Variants in OPHN1 observed in about 807,000 individuals in gnomAD.
OPHN1 encodes oligophrenin 1.
A neutral mutation model predicts 60.7 loss-of-function variants in OPHN1; 11 were observed. The ratio of observed to expected loss-of-function variants is 0.18; its 90% confidence interval spans 0.11 to 0.30. The LOEUF (loss-of-function observed/expected upper bound fraction) is 0.30. Among genes scored for constraint, OPHN1 ranks in the 10% least tolerant of loss-of-function variants. The pLI, the probability that OPHN1 is intolerant of heterozygous loss-of-function variation, is 1.00. For synonymous variants in OPHN1, 226 were observed against 222.6 expected (o/e 1.02, Z -0.14); for missense variants, 449 against 611.0 (o/e 0.73, Z 2.80).
intron 2 of OPHN1, among the ~76,000 whole-genome samples, chrX:68,366,273 T>C (rs749732857): frequency 9.0e-6 from 1 of 111,081 alleles, no homozygotes; most frequent in African/African-American, 3.3e-5. Context: ...GGCCTGGCAA[T>C]CATAGTGATA....
rs184964358 is a variant in OPHN1 at position 68,350,189 on chromosome X, T to A, written c.155-51093A>T. Among the ~76,000 whole-genome samples, 1,033 of 111,656 alleles carry A rather than the reference T, an allele frequency of 9.3e-3. 12 individuals carry two copies. Among genetic ancestry groups the A allele is most frequent in the African/African-American group, 0.032 (982 of 30,833 alleles). ...CCTTAATTACACTGATTTGATTATA[T>A]GAAAGTATCAAATTATCATATGTAC... On this transcript the variant is annotated intron_variant, in intron 2 of 24. Coordinates refer to ENST00000355520, the MANE Select transcript of OPHN1 (RefSeq NM_002547.3).
chrX:68,328,719 C>G (rs2078280400), intron 2 of OPHN1, among the ~76,000 whole-genome samples: 1 of 110,951 alleles, frequency 9.0e-6, no homozygotes, highest in Non-Finnish European at 1.9e-5. Flanking sequence ...TCTTATAAAT[C>G]AATAATGAAG....
intron 12 of OPHN1, among the ~76,000 whole-genome samples, chrX:68,194,999 AAAGAAAGGAAGGAAGGAAGGAAGGAAGG>A (rs2077505495): frequency 1.4e-5 from 1 of 71,995 alleles, no homozygotes; most frequent in African/African-American, 6.0e-5. Flanking sequence ...AGAGAGAGAG[AAAGAAAGGAAGGAAGGAAGGAAGGAAGG>A]AAGGAAGGAA....
At chrX:68,423,316 C>T (rs1281592383) in intron 2 of OPHN1, among the ~76,000 whole-genome samples, 4 of 111,708 alleles carry the variant, frequency 3.6e-5, no homozygotes, top group African/African-American at 1.3e-4. Flanking sequence ...TGAGCCACCG[C>T]GCCCAGCCAT....
chrX:68,223,543 CA>C (rs767386062), intron 6 of OPHN1, among the ~76,000 whole-genome samples: 14 of 111,007 alleles, frequency 1.3e-4, no homozygotes, highest in African/African-American at 4.3e-4. Flanking sequence ...ATTGGAGACT[CA>C]GAAAAAGGGT....
rs973555283 is a variant in OPHN1 at position 68,046,834 on chromosome X, G to C, written c.*338C>G. The stretch of plus-strand genomic sequence containing the variant: ...CCTCTGAGGAAGCAGGAAGTTCAGG[G>C]AAGAGTTGAAAACTGAGCTCCCCTC... On this transcript the variant is annotated 3_prime_UTR_variant, in exon 25 of 25. Coordinates refer to ENST00000355520, the MANE Select transcript of OPHN1 (RefSeq NM_002547.3). The C allele has an allele frequency of 8.9e-6, 1 of 111,743 alleles. No individual in the cohort carries two copies. The highest frequency in any genetic ancestry group is 3.3e-5 in the African/African-American group (1 of 30,649). The allele number at this position is 111,743 out of a possible 1,213,427, so 9.2% of individuals were successfully genotyped here.
intron 6 of OPHN1, among the ~76,000 whole-genome samples, chrX:68,227,386 T>C (rs1186309065): frequency 3.6e-5 from 4 of 110,881 alleles, no homozygotes; most frequent in Non-Finnish European, 7.5e-5. Context: ...GGAACTGAAC[T>C]CAGCTCTGCA....
intron 6 of OPHN1, among the ~76,000 whole-genome samples, chrX:68,218,187 A>C (rs2077627495): frequency 9.9e-6 from 1 of 100,846 alleles, no homozygotes; most frequent in Non-Finnish European, 2.0e-5. Context: ...CAGCGATGGA[A>C]GATGAAATGA....
intron 5 of OPHN1, among the ~76,000 whole-genome samples, chrX:68,259,796 T>C (rs928826547): frequency 2.7e-5 from 3 of 111,243 alleles, no homozygotes; most frequent in Admixed American, 9.6e-5. Flanking sequence ...CAGTATATTA[T>C]GTAAAACAAT....
intron 6 of OPHN1, among the ~76,000 whole-genome samples, chrX:68,226,422 T>C (rs2077692987): frequency 9.1e-6 from 1 of 110,421 alleles, no homozygotes; most frequent in Non-Finnish European, 1.9e-5. Flanking sequence ...CCAAGACACA[T>C]AATTGTCAGA....
At chrX:68,301,517 T>C (rs970167388) in intron 2 of OPHN1, among the ~76,000 whole-genome samples, 4 of 106,640 alleles carry the variant, frequency 3.8e-5, no homozygotes, top group African/African-American at 1.0e-4. Context: ...CAAGTTCCCA[T>C]ACATTTGTCC....
intron 2 of OPHN1, among the ~76,000 whole-genome samples, chrX:68,401,261 G>C (rs1008489113): frequency 3.6e-5 from 4 of 112,126 alleles, no homozygotes; most frequent in Admixed American, 9.5e-5. Context: ...GAGACAGACA[G>C]CTACAAGTAC....
At chrX:68,124,408 T>C (rs1454790829) in intron 15 of OPHN1, among the ~76,000 whole-genome samples, 5 of 110,919 alleles carry the variant, frequency 4.5e-5, no homozygotes, top group Admixed American at 3.8e-4. Flanking sequence ...CATATAAATA[T>C]TATTAGAGCT....
At chrX:68,255,586 G>C (rs2077858487) in intron 5 of OPHN1, among the ~76,000 whole-genome samples, 1 of 111,598 alleles carries the variant, frequency 9.0e-6, no homozygotes, top group Non-Finnish European at 1.9e-5. Context: ...GGAAGAGGAA[G>C]AGGGAATGCC....
chrX:68,356,135 C>T (rs1475286551), intron 2 of OPHN1, among the ~76,000 whole-genome samples: 1 of 110,216 alleles, frequency 9.1e-6, no homozygotes, highest in Non-Finnish European at 1.9e-5. Flanking sequence ...AAACGTTATT[C>T]TGGATGTTTC....
At chrX:68,343,112 A>T (rs930393614) in intron 2 of OPHN1, among the ~76,000 whole-genome samples, 1 of 109,351 alleles carries the variant, frequency 9.1e-6, no homozygotes, top group Admixed American at 9.9e-5. Context: ...CATCTCCACT[A>T]AAAATACAAA....
intron 11 of OPHN1, among the ~76,000 whole-genome samples, chrX:68,197,643 T>A (rs1406620621): frequency 9.0e-6 from 1 of 111,312 alleles, no homozygotes; most frequent in Non-Finnish European, 1.9e-5. Context: ...GGAATGAGCA[T>A]GAACATCAGA....
chrX:68,204,528 T>C (rs993714394), intron 10 of OPHN1, among the ~76,000 whole-genome samples: 1 of 111,846 alleles, frequency 8.9e-6, no homozygotes, highest in Admixed American at 9.5e-5. Context: ...ATTATTATGG[T>C]ATCATTTATT....
At chrX:68,282,420 C>A (rs2078023437) in intron 4 of OPHN1, among the ~76,000 whole-genome samples, 1 of 111,423 alleles carries the variant, frequency 9.0e-6, no homozygotes, top group Non-Finnish European at 1.9e-5. Context: ...ATAGATTGGA[C>A]AAAAGAAATG....
Sources: allele counts gnomAD v4.1 joint callset (sites outside exome capture counted in the v4.1 genomes callset), GRCh38; gene constraint gnomAD v4.1.1; transcripts MANE v1.5; gene names NCBI Gene and HGNC (gene_info 2026-07-23, HGNC 2026-07-21).